FOXP4: variants seen among roughly 807,000 people sequenced by gnomAD.
FOXP4 encodes the protein forkhead box P4.
Under a neutral mutation model 82.6 loss-of-function variants are expected in FOXP4, and 25 were observed. The observed-to-expected ratio is 0.30, with a 90% CI of 0.22 to 0.42. The LOEUF (loss-of-function observed/expected upper bound fraction) is 0.42. Ranked by LOEUF, FOXP4 falls within the 10% of genes least tolerant of loss-of-function variation. The pLI is 1.00. For synonymous variants in FOXP4, 415 were observed against 388.2 expected (o/e 1.07, Z -0.81); for missense variants, 785 against 900.9 (o/e 0.87, Z 1.65).
chr6:41,562,533 C>T (rs1464247796), intron 1 of FOXP4, among the ~76,000 whole-genome samples: 2 of 152,094 alleles, frequency 1.3e-5, no homozygotes, highest in East Asian at 3.9e-4. Context: ...CTGTCTGCAT[C>T]CTCCTCCTTC....
At chr6:41,559,560 C>A (rs1228684007) in intron 1 of FOXP4, among the ~76,000 whole-genome samples, 1 of 152,166 alleles carries the variant, frequency 6.6e-6, no homozygotes, top group Admixed American at 6.5e-5. Context: ...ACCAGTCGCC[C>A]TTGCTGAGTC....
rs959366563 is a variant in FOXP4 at position 41,600,183 on chromosome 6, G to C, written c.*1247G>C. ...GCAGGGCCCTGCCCCCCTCCCTTCC[G>C]CTCCTGCCCAGCCTGGGGGAAGGAG... On this transcript the variant is annotated 3_prime_UTR_variant, in exon 17 of 17. Transcript: ENST00000307972. 1.3e-5 allele frequency: 2 copies of C among 152,158 alleles called. No homozygotes were observed. Among genetic ancestry groups the C allele is most frequent in the South Asian group, 4.2e-4 (2 of 4,806 alleles). The allele number at this position is 152,158 out of a possible 1,614,324, so 9.4% of individuals were successfully genotyped here. A position where few individuals can be genotyped will look rare whatever the true frequency, so the allele number is the denominator to read the frequency against.
rs1764379134 is a variant in FOXP4 at position 41,558,160 on chromosome 6, A to G, written c.-16-7585A>G. 6.6e-6 allele frequency among the ~76,000 whole-genome samples: 1 copy of G among 152,190 alleles called. No homozygotes were observed. The highest frequency in any genetic ancestry group is 1.5e-5 in the Non-Finnish European group (1 of 68,036). On this transcript the variant is annotated intron_variant, in intron 1 of 16. Transcript: ENST00000307972. This position sits in a 1 kb window ranked among gnomAD's most constrained non-coding sequence, Gnocchi z 4.0. Reference sequence around the variant, plus strand: ...ACAATGAGGAGTGCCCAAGGAGGGCAGGGGCTTGGAGAGGGATTAAGCCTA... The same window carrying G: ...ACAATGAGGAGTGCCCAAGGAGGGCGGGGGCTTGGAGAGGGATTAAGCCTA...
intron 13 of FOXP4, among the ~76,000 whole-genome samples, chr6:41,592,601 T>A (rs1445511614): frequency 6.6e-6 from 1 of 152,232 alleles, no homozygotes; most frequent in African/African-American, 2.4e-5. Context: ...TAATGTTTAA[T>A]AAAGCATATT....
intron 1 of FOXP4, among the ~76,000 whole-genome samples, chr6:41,557,617 A>G (rs1393936717): frequency 6.6e-6 from 1 of 152,214 alleles, no homozygotes; most frequent in African/African-American, 2.4e-5. Context: ...TATGATAGTA[A>G]GTGGTGAGTG....
chr6:41,585,421 A>T lies in FOXP4; in HGVS notation c.424-10A>T. 1 of 1,610,508 alleles carries T rather than the reference A, an allele frequency of 6.2e-7. No individual in the cohort carries two copies. The highest frequency in any genetic ancestry group is 8.5e-7 in the Non-Finnish European group (1 of 1,178,644). On this transcript the variant is annotated splice_polypyrimidine_tract_variant and intron_variant, in intron 4 of 16. Coordinates refer to ENST00000307972, the MANE Select transcript of FOXP4 (RefSeq NM_001012426.2). The stretch of plus-strand genomic sequence containing the variant: ...ACCCTGCCAGTGGTAACCCTCCTCC[A>T]CCCCCCCAGCTACAGGAGTACTACA...
intron 1 of FOXP4, among the ~76,000 whole-genome samples, chr6:41,561,287 G>C (rs1047529680): frequency 2.0e-5 from 3 of 151,762 alleles, no homozygotes; most frequent in African/African-American, 7.3e-5. Context: ...GACAAATCCT[G>C]GACCTGCCAA....
At chr6:41,579,472 C>T (rs1447979174) in intron 3 of FOXP4, among the ~76,000 whole-genome samples, 1 of 152,140 alleles carries the variant, frequency 6.6e-6, no homozygotes, top group Non-Finnish European at 1.5e-5. Context: ...AAGGAGTAGG[C>T]TGGACAACAG....
In FOXP4 at chr6:41,577,992, C is replaced by G. The variant is rs750333722; in HGVS notation, c.211C>G (p.Gln71Glu). Residue 71 changes from glutamine (Q) to glutamate (E), a missense_variant, in exon 3 of 17, where the codon CAA becomes GAA. Gln to Glu is a conservative substitution (Grantham distance 29). Transcript: ENST00000307972. ...LLHFQQQQAL[Q>E]VARQFLLQQA... ...CTCAGCCCCTGTCTTGCAGGCTCTC[C>G]AAGTGGCCCGGCAGTTCCTGCTGCA... 56 of 1,612,246 alleles carry G rather than the reference C, an allele frequency of 3.5e-5. No individual in the cohort carries two copies. Among genetic ancestry groups the G allele is most frequent in the Non-Finnish European group, 4.5e-5 (53 of 1,179,944 alleles).
At chr6:41,551,312 C>T (rs1157091646) in intron 1 of FOXP4, among the ~76,000 whole-genome samples, 1 of 152,234 alleles carries the variant, frequency 6.6e-6, no homozygotes, top group Non-Finnish European at 1.5e-5. Flanking sequence ...CTGGACATGC[C>T]TGGGCCTGGC....
intron 1 of FOXP4, 23 bp from the exon 2 acceptor site, chr6:41,565,722 C>G: frequency 6.4e-7 from 1 of 1,559,568 alleles, no homozygotes; most frequent in Non-Finnish European, 8.7e-7. Context: ...AGCCTCTCCC[C>G]TGTGTCTCTC....
intron 5 of FOXP4, among the ~76,000 whole-genome samples, chr6:41,586,553 A>G (rs1766134449): frequency 6.6e-6 from 1 of 152,216 alleles, no homozygotes; most frequent in Non-Finnish European, 1.5e-5. Context: ...AAGAGAGGAA[A>G]AGAGCTGGGG....
At chr6:41,567,409 A>G (rs578244382) in intron 2 of FOXP4, among the ~76,000 whole-genome samples, 2 of 152,338 alleles carry the variant, frequency 1.3e-5, no homozygotes, top group Non-Finnish European at 2.9e-5. Flanking sequence ...GCATCTCCCA[A>G]GCCTTCCTAA....
intron 15 of FOXP4, 115 bp from the exon 16 acceptor site, chr6:41,597,666 G>A: frequency 1.5e-6 from 2 of 1,328,752 alleles, no homozygotes; most frequent in Non-Finnish European, 2.0e-6. Context: ...CCGCCCGTGG[G>A]GCCAGTAGGC....
In FOXP4 at chr6:41,591,230, GA is replaced by G; in HGVS notation, c.1447del (p.Thr483ProfsTer6). On this transcript the variant is annotated frameshift_variant, in exon 13 of 17. Coordinates refer to ENST00000307972, the MANE Select transcript of FOXP4 (RefSeq NM_001012426.2). LOFTEE classifies it high-confidence loss of function. This position sits in a 1 kb window ranked among gnomAD's most constrained non-coding sequence, Gnocchi z 4.2. Reference protein sequence around the residue: ...YASLIRQAILETPDRQLTLNE... With the variant: ...YASLIRQAILXTPDRQLTLNE... ...TGTTCCTTCCCCGCAGGCCATCCTGGAAACCCCTGACAGGCAGCTGACCCTG... is the reference window on the plus strand; with the variant it reads ...TGTTCCTTCCCCGCAGGCCATCCTGGAACCCCTGACAGGCAGCTGACCCTG... The G allele has an allele frequency of 6.2e-7, 1 of 1,608,540 alleles. No homozygotes were observed. Among genetic ancestry groups the G allele is most frequent in the Non-Finnish European group, 8.5e-7 (1 of 1,177,448 alleles).
intron 3 of FOXP4, among the ~76,000 whole-genome samples, chr6:41,582,405 G>A (rs1765852441): frequency 6.6e-6 from 1 of 152,232 alleles, no homozygotes; most frequent in African/African-American, 2.4e-5. Flanking sequence ...TGCAGGGAGG[G>A]CAGGTGCCCC....
rs1319600656 is a variant in FOXP4, at chr6:41,546,725, ACG to A, written c.-157_-156del. On this transcript the variant is annotated 5_prime_UTR_variant, in exon 1 of 17. Coordinates refer to ENST00000307972, the MANE Select transcript of FOXP4 (RefSeq NM_001012426.2). ...GCGGTCGGCCCGGCGCGCTGGGAGG[ACG>A]CCCGGGAGCTGCGCGACGCGGGGCG... is the stretch of plus-strand genomic sequence containing the variant. The A allele has an allele frequency of 6.9e-6, 1 of 144,808 alleles. No homozygotes were observed. The allele number at this position is 144,808 out of a possible 1,614,324, so 9.0% of individuals were successfully genotyped here.
intron 3 of FOXP4, among the ~76,000 whole-genome samples, chr6:41,582,587 G>A (rs567036753): frequency 7.9e-5 from 12 of 152,302 alleles, no homozygotes; most frequent in Admixed American, 3.3e-4. Context: ...AAAGGACAGT[G>A]GTACTTGTTC....
chr6:41,566,730 C>A (rs1764901715), intron 2 of FOXP4, among the ~76,000 whole-genome samples: 1 of 152,164 alleles, frequency 6.6e-6, no homozygotes, highest in Non-Finnish European at 1.5e-5. Flanking sequence ...AGCCAACAGC[C>A]CTGGCCTTGG....
Sources: gnomAD v4.1 joint callset for allele counts (sites outside exome capture counted in the v4.1 genomes callset) on GRCh38, gnomAD v4.1.1 for gene constraint, Gnocchi (gnomAD v3.1) non-coding constraint, MANE v1.5 for transcripts, NCBI Gene and HGNC (gene_info 2026-07-23, HGNC 2026-07-21) for gene names.